Variants in LRRC74A observed in about 807,000 individuals in gnomAD.
LRRC74A encodes the protein leucine rich repeat containing 74A, also known as leucine-rich repeat-containing protein 74A.
LRRC74A carries 44 observed loss-of-function variants against 57.9 expected under a neutral mutation model. The observed-to-expected ratio is 0.76, with a 90% CI of 0.60 to 0.98. The LOEUF (loss-of-function observed/expected upper bound fraction) is 0.98. LRRC74A is among the 50% of genes least tolerant of loss of function. The pLI is 0.00. For missense variants in LRRC74A, 572 were observed against 574.0 expected, an observed-to-expected ratio of 1.00 and a Z score of 0.04; for synonymous variants, 211 against 219.4, an observed-to-expected ratio of 0.96 and a Z score of 0.34.
chr14:76,846,322 C>T (rs1566728830), intron 7 of LRRC74A, among the ~76,000 whole-genome samples: 3 of 152,138 alleles, frequency 2.0e-5, no homozygotes, highest in African/African-American at 4.8e-5. Flanking sequence ...TTCAAGCTGC[C>T]GGGCACTTTT....
At chr14:76,867,491 G>A (rs61989437) in intron 13 of LRRC74A, 53 bp downstream of exon 13, 24,503 of 888,052 alleles carry the variant, frequency 0.028, 456 homozygotes, top group South Asian at 0.054. Context: ...CCCTGGCTGG[G>A]CTGATGTGAG....
chr14:76,830,130 A>G (rs1226666471), intron 2 of LRRC74A, among the ~76,000 whole-genome samples: 1 of 152,224 alleles, frequency 6.6e-6, no homozygotes, highest in Non-Finnish European at 1.5e-5. Flanking sequence ...GCTGCTGTAC[A>G]AGCGTCCCAA....
At chr14:76,849,725 C>T (rs1473872273) in intron 7 of LRRC74A, among the ~76,000 whole-genome samples, 6 of 149,948 alleles carry the variant, frequency 4.0e-5, no homozygotes, top group Non-Finnish European at 8.9e-5. Context: ...ATCACTTGAA[C>T]CTGGGAGGCA....
intron 7 of LRRC74A, among the ~76,000 whole-genome samples, chr14:76,850,539 G>A (rs986626874): frequency 2.0e-5 from 3 of 152,248 alleles, no homozygotes. Context: ...GACACAAAGA[G>A]AAGCATGATC....
At chr14:76,829,918 G>A (rs1431644163) in intron 2 of LRRC74A, among the ~76,000 whole-genome samples, 1 of 152,148 alleles carries the variant, frequency 6.6e-6, no homozygotes, top group Non-Finnish European at 1.5e-5. Context: ...CTTGCCATGA[G>A]CTGTTTTTCT....
chr14:76,869,390 G>C (rs1320875616), intron 13 of LRRC74A, among the ~76,000 whole-genome samples: 1 of 152,176 alleles, frequency 6.6e-6, no homozygotes, highest in Admixed American at 6.5e-5. Context: ...GAAGAGCAGA[G>C]TTTTAATTTT....
intron 7 of LRRC74A, among the ~76,000 whole-genome samples, chr14:76,846,293 C>T (rs1897111772): frequency 6.6e-6 from 1 of 152,156 alleles, no homozygotes; most frequent in East Asian, 1.9e-4. Context: ...CTGCGGACAA[C>T]CGAGCGAAAT....
At chr14:76,828,094 C>T (rs745997498) in intron 1 of LRRC74A, among the ~76,000 whole-genome samples, 197 bp from the exon 2 acceptor site, 3 of 152,174 alleles carry the variant, frequency 2.0e-5, no homozygotes, top group East Asian at 1.9e-4. Context: ...CACAAGCTCC[C>T]GTAGACCCTG....
At chr14:76,859,107 G>A (rs557097949) in intron 10 of LRRC74A, among the ~76,000 whole-genome samples, 1 of 152,170 alleles carries the variant, frequency 6.6e-6, no homozygotes, top group African/African-American at 2.4e-5. Context: ...TCAATCTGCA[G>A]GCCAGGATGC....
At chr14:76,841,634 T>TCA (rs999242221) in intron 5 of LRRC74A, among the ~76,000 whole-genome samples, 3 of 152,144 alleles carry the variant, frequency 2.0e-5, no homozygotes, top group Admixed American at 2.0e-4. Context: ...GAACTGACAT[T>TCA]CACAATATTG....
Position 76,852,400 on chromosome 14 carries a change from T to C in LRRC74A, c.712T>C (p.Trp238Arg). Residue 238 changes from tryptophan to arginine, a missense_variant, in exon 8 of 14, where the codon TGG becomes CGG. Trp to Arg is a moderately radical substitution (Grantham distance 101). Coordinates refer to ENST00000689127, the MANE Select transcript of LRRC74A (RefSeq NM_001385106.1). Reference protein sequence around the residue: ...NVGLTSLDLSWNNFHTRGAVA... With the variant: ...NVGLTSLDLSRNNFHTRGAVA... Reference sequence around the variant, plus strand: ...GGGGCTCACGTCACTGGATCTGAGCTGGAATAACTTCCACACAAGGGGAGC... The same window carrying C: ...GGGGCTCACGTCACTGGATCTGAGCCGGAATAACTTCCACACAAGGGGAGC... The C allele has an allele frequency of 6.2e-7, 1 of 1,612,576 alleles. No individual in the cohort carries two copies. Among genetic ancestry groups the C allele is most frequent in the South Asian group, 1.1e-5 (1 of 90,768 alleles).
At chr14:76,842,988 T>C (rs1049516193) in intron 5 of LRRC74A, among the ~76,000 whole-genome samples, 2 of 152,126 alleles carry the variant, frequency 1.3e-5, no homozygotes, top group Non-Finnish European at 2.9e-5. Context: ...GTCATGTGTG[T>C]GCAGGGTCAG....
intron 11 of LRRC74A, among the ~76,000 whole-genome samples, chr14:76,863,204 G>GTGTGTA (rs1566743710): frequency 6.6e-6 from 1 of 151,742 alleles, no homozygotes; most frequent in Non-Finnish European, 1.5e-5. Flanking sequence ...GTGTGTGTGT[G>GTGTGTA]TGTGTGTGTG....
intron 9 of LRRC74A, among the ~76,000 whole-genome samples, chr14:76,856,704 GTGGA>G (rs1018461285): frequency 2.0e-5 from 3 of 147,194 alleles, no homozygotes; most frequent in African/African-American, 7.7e-5. Flanking sequence ...GGATAAGTGA[GTGGA>G]TGGATGGATG....
Position 76,850,844 on chromosome 14 carries a change from C to CA in LRRC74A, c.677-1501dup, listed in dbSNP as rs36208311. On this transcript the variant is annotated intron_variant, in intron 7 of 13. Transcript: ENST00000689127. ...GATTGTCAAGGGCAAAACTCTGTCT[C>CA]AAAAAAAAAAAAAAAAAAAAGAAAG... 5.5e-3 allele frequency among the ~76,000 whole-genome samples: 723 copies of CA among 130,744 alleles called. 4 individuals are homozygous for CA. Among genetic ancestry groups the CA allele is most frequent in the African/African-American group, 0.014 (529 of 37,450 alleles). 85.8% of individuals were successfully genotyped at this position (130,744 alleles called of 152,430 possible). A position where few individuals can be genotyped will look rare whatever the true frequency, so the allele number is the denominator to read the frequency against.
At chr14:76,853,553 C>A (rs548574573) in intron 9 of LRRC74A, 143 bp downstream of exon 9, 163 of 808,598 alleles carry the variant, frequency 2.0e-4, no homozygotes, top group Non-Finnish European at 2.9e-4. Context: ...GTACTTTTTA[C>A]CATCTCTTGA....
rs200189415 is a variant in LRRC74A at position 76,828,314 on chromosome 14, C to G, written c.61C>G (p.Arg21Gly). The stretch of plus-strand genomic sequence containing the variant: ...AGATGAGATTGAAATTGAGCCAGTA[C>G]GACAGAGCAGCGATAAAATGCTCTA... ...TEDEIEIEPV[R>G]QSSDKMLYCE... Residue 21 changes from arginine to glycine, a missense_variant, in exon 2 of 14, where the codon CGA (arginine) becomes GGA (glycine). Coordinates refer to ENST00000689127, the MANE Select transcript of LRRC74A (RefSeq NM_001385106.1). 1.6e-5 allele frequency: 25 copies of G among 1,606,700 alleles called. No individual in the cohort carries two copies. Among genetic ancestry groups the G allele is most frequent in the Non-Finnish European group, 2.1e-5 (25 of 1,174,026 alleles).
At position 76,836,368 on chromosome 14, in the gene LRRC74A, C is replaced by T. The variant is rs1050621206; in HGVS notation, c.447+54C>T. 41 of 1,347,690 alleles carry T rather than the reference C, an allele frequency of 3.0e-5. No individual in the cohort carries two copies. In the African/African-American group the frequency reaches 5.8e-4, roughly 19 times the overall value. The allele number at this position is 1,347,690 out of a possible 1,614,324, so 83.5% of individuals were successfully genotyped here. A position where few individuals can be genotyped will look rare whatever the true frequency, so the allele number is the denominator to read the frequency against. On this transcript the variant is annotated intron_variant, in intron 4 of 13. Transcript: ENST00000689127. The stretch of plus-strand genomic sequence containing the variant: ...CCATCATCCCTGGGGATTCACAACC[C>T]ACTGGAGACAAGCCAGAGGCCCTGC...
intron 13 of LRRC74A, 126 bp from the exon 14 acceptor site, chr14:76,869,999 G>A: frequency 1.1e-6 from 1 of 932,498 alleles, no homozygotes; most frequent in Non-Finnish European, 1.7e-6. Flanking sequence ...TTAACAGCAT[G>A]ACCTCTAAGG....
Sources: allele counts gnomAD v4.1 joint callset (sites outside exome capture counted in the v4.1 genomes callset), GRCh38; gene constraint gnomAD v4.1.1; transcripts MANE v1.5; gene names NCBI Gene and HGNC (gene_info 2026-07-23, HGNC 2026-07-21).